Variants in TULP4 observed in about 807,000 individuals in gnomAD.
The protein encoded by TULP4 is tubby-related protein 4.
A neutral mutation model predicts 129.0 loss-of-function variants in TULP4; 16 were observed. The observed-to-expected ratio is 0.12, with a 90% CI of 0.08 to 0.19. The LOEUF (loss-of-function observed/expected upper bound fraction) is 0.19, where lower values mean the gene tolerates loss of function less well. Ranked by LOEUF, TULP4 falls within the 10% of genes least tolerant of loss-of-function variation. The probability of loss-of-function intolerance (pLI) is 1.00; values close to 1 mark genes in which losing one functional copy is unlikely to be tolerated. For synonymous variants in TULP4, 998 were observed against 854.0 expected, an observed-to-expected ratio of 1.17 and a Z score of -2.94; for missense variants, 1,842 against 2,059.1, an observed-to-expected ratio of 0.89 and a Z score of 2.04.
At chr6:158,239,539 G>T (rs1777809808) in intron 1 of TULP4, among the ~76,000 whole-genome samples, 1 of 59,600 alleles carries the variant, frequency 1.7e-5, no homozygotes. Flanking sequence ...GGGCAGCCGG[G>T]CAGAGGCGCC....
intron 1 of TULP4, among the ~76,000 whole-genome samples, chr6:158,331,728 C>CGTATATATATAT (rs1562523161): frequency 1.6e-4 from 6 of 37,618 alleles, no homozygotes; most frequent in Admixed American, 4.1e-4. Context: ...CACACACACA[C>CGTATATATATAT]ATACGTATAT....
intron 6 of TULP4, among the ~76,000 whole-genome samples, chr6:158,476,731 G>C (rs867791012): frequency 3.6e-4 from 55 of 152,170 alleles, no homozygotes; most frequent in African/African-American, 1.3e-3. Context: ...TCTGAGTAAA[G>C]CAGCTTTGAC....
chr6:158,452,588 A>G (rs1562572271), intron 5 of TULP4, among the ~76,000 whole-genome samples: 1 of 152,266 alleles, frequency 6.6e-6, no homozygotes, highest in Non-Finnish European at 1.5e-5. Flanking sequence ...TCTGCACAAT[A>G]AACGGACTGC....
intron 1 of TULP4, among the ~76,000 whole-genome samples, chr6:158,327,574 C>A (rs1334801916): frequency 1.3e-5 from 2 of 152,156 alleles, no homozygotes; most frequent in African/African-American, 4.8e-5. Flanking sequence ...GTTTTCATTT[C>A]TAACATCTTG....
chr6:158,233,379 C>CAGAG (rs1253454480), intron 1 of TULP4, among the ~76,000 whole-genome samples: 2 of 152,214 alleles, frequency 1.3e-5, no homozygotes, highest in African/African-American at 4.8e-5. Context: ...TGAAAAAGCA[C>CAGAG]AGAGGAAGTT....
intron 3 of TULP4, among the ~76,000 whole-genome samples, chr6:158,443,586 C>T (rs1023071716): frequency 1.3e-5 from 2 of 152,104 alleles, no homozygotes; most frequent in Non-Finnish European, 2.9e-5. Flanking sequence ...AGGCCTGAGG[C>T]AGAATATCTT....
intron 1 of TULP4, among the ~76,000 whole-genome samples, chr6:158,268,585 C>T (rs1211010298): frequency 6.6e-6 from 1 of 152,114 alleles, no homozygotes; most frequent in Non-Finnish European, 1.5e-5. Context: ...TAATCACTTC[C>T]CAAAGGCCCC....
intron 2 of TULP4, among the ~76,000 whole-genome samples, chr6:158,419,677 A>AGCT: frequency 6.6e-6 from 1 of 152,242 alleles, no homozygotes; most frequent in East Asian, 1.9e-4. Flanking sequence ...AAGCTGATGT[A>AGCT]GCTGTATGTT....
intron 1 of TULP4, among the ~76,000 whole-genome samples, chr6:158,233,189 T>C (rs746528341): frequency 1.3e-5 from 2 of 152,234 alleles, no homozygotes; most frequent in Non-Finnish European, 2.9e-5. Flanking sequence ...TAATTCCTTC[T>C]ACCTGCTGAA....
chr6:158,479,352 A>G (rs1398983241), intron 6 of TULP4, among the ~76,000 whole-genome samples: 1 of 152,232 alleles, frequency 6.6e-6, no homozygotes, highest in Non-Finnish European at 1.5e-5. Context: ...TAAATGAAAT[A>G]TAATACAGGT....
chr6:158,289,472 A>G (rs2128469919), intron 1 of TULP4, among the ~76,000 whole-genome samples: 1 of 151,734 alleles, frequency 6.6e-6, no homozygotes, highest in Non-Finnish European at 1.5e-5. Flanking sequence ...AACTTCTTTA[A>G]GTTGAATGTT....
chr6:158,298,114 G>A (rs1335890066), intron 1 of TULP4, among the ~76,000 whole-genome samples: 1 of 152,082 alleles, frequency 6.6e-6, no homozygotes, highest in Admixed American at 6.6e-5. Flanking sequence ...AAATATGGCT[G>A]TATTCTGCCT....
At chr6:158,401,082 TGTTTTG>T (rs943792497) in intron 1 of TULP4, among the ~76,000 whole-genome samples, 5 of 151,160 alleles carry the variant, frequency 3.3e-5, no homozygotes, top group Non-Finnish European at 7.4e-5. Flanking sequence ...TTGTTGTTGT[TGTTTTG>T]TTGTTTTGAG....
chr6:158,435,709 C>T (rs921780752), intron 3 of TULP4, among the ~76,000 whole-genome samples: 12 of 152,118 alleles, frequency 7.9e-5, no homozygotes, highest in African/African-American at 1.9e-4. Context: ...ACACCATCAC[C>T]GTCACCACCA....
At chr6:158,278,387 G>GTT (rs778202071), upstream of TULP4, among the ~76,000 whole-genome samples, 1,540 of 140,416 alleles carry the variant, frequency 0.011, 19 homozygotes, top group African/African-American at 0.038. Context: ...GAAAATACTA[G>GTT]TTTTTTTTTT....
At chr6:158,284,841 G>A (rs546091006) in intron 1 of TULP4, among the ~76,000 whole-genome samples, 2 of 152,298 alleles carry the variant, frequency 1.3e-5, no homozygotes, top group Middle Eastern at 3.4e-3. Flanking sequence ...TAACTTGCCC[G>A]AGGTGTGAGC....
chr6:158,242,262 G>A, intron 1 of TULP4: 6 of 1,552,548 alleles, frequency 3.9e-6, no homozygotes. Flanking sequence ...GCTGGCCGTG[G>A]TCTATCAGTG....
chr6:158,246,967 C>G (rs1778042153), intron 1 of TULP4, among the ~76,000 whole-genome samples: 1 of 152,136 alleles, frequency 6.6e-6, no homozygotes, highest in Admixed American at 6.5e-5. Flanking sequence ...ATTTGAACAT[C>G]TTTCTCACTG....
chr6:158,255,247 T>C (rs1277587289), intron 1 of TULP4, among the ~76,000 whole-genome samples: 3 of 152,120 alleles, frequency 2.0e-5, no homozygotes, highest in Non-Finnish European at 4.4e-5. Flanking sequence ...GACCAGAGCA[T>C]GTACCCTAAA....
Sources: gnomAD v4.1 joint callset for allele counts (sites outside exome capture counted in the v4.1 genomes callset) on GRCh38, gnomAD v4.1.1 for gene constraint, MANE v1.5 for transcripts, NCBI Gene and HGNC (gene_info 2026-07-23, HGNC 2026-07-21) for gene names.